Variants in TRIM26 observed in about 807,000 individuals in gnomAD.
TRIM26 encodes the protein tripartite motif-containing protein 26.
In TRIM26, 16 loss-of-function variants were observed where a neutral mutation model predicts 45.5. The observed-to-expected ratio is 0.35, with a 90% CI of 0.24 to 0.53. TRIM26 has a LOEUF of 0.53. Among genes scored for constraint, TRIM26 ranks in the 20% least tolerant of loss-of-function variants. The pLI is 0.92. For synonymous variants in TRIM26, 273 were observed against 290.4 expected (o/e 0.94, Z 0.61); for missense variants, 442 against 691.1 (o/e 0.64, Z 4.04).
chr6:30,205,897 C>T (rs1230959323), intron 1 of TRIM26, among the ~76,000 whole-genome samples: 3 of 152,138 alleles, frequency 2.0e-5, no homozygotes, highest in African/African-American at 7.2e-5. Flanking sequence ...CAAATGTGGA[C>T]TCTGGGGCCC....
chr6:30,213,254 G>A (rs990245301), intron 1 of TRIM26, 51 bp downstream of exon 1: 1 of 152,378 alleles, frequency 6.6e-6, no homozygotes, highest in East Asian at 1.9e-4. Context: ...AACCCGGTGA[G>A]CGTACGAGAC....
Position 30,198,978 on chromosome 6 carries a change from G to A in TRIM26, c.126C>T (p.Asp42=), listed in dbSNP as rs200753056. ...GGCGGCTCCCTGAGATGGGGCGGACGTCTGTGGTGCAGCTGCGGCAGAAGA... is the reference window on the plus strand; with the variant it reads ...GGCGGCTCCCTGAGATGGGGCGGACATCTGTGGTGCAGCTGCGGCAGAAGA... ...GHVFCRSCTT[D]VRPISGSRPV... is the part of the protein sequence containing the mutation. The change falls in exon 4 of 10, where the codon GAC becomes GAT. Residue 42 remains aspartate (D), a synonymous_variant. Coordinates refer to ENST00000454678, the MANE Select transcript of TRIM26 (RefSeq NM_003449.5). The surrounding 1 kb of genome is among the most constrained non-coding windows in gnomAD (Gnocchi z 6.3). The A allele has an allele frequency of 2.7e-5, 43 of 1,612,558 alleles. No individual in the cohort carries two copies. The highest frequency in any genetic ancestry group is 1.6e-4 in the Middle Eastern group (1 of 6,082).
intron 9 of TRIM26, chr6:30,188,377 T>C (rs1004849721): frequency 1.7e-5 from 7 of 418,118 alleles, no homozygotes; most frequent in South Asian, 7.1e-5. Context: ...TGTAAGATGG[T>C]TCAAGAAACC....
rs1778086053 is a variant in TRIM26 at position 30,209,711 on chromosome 6, T to C, written c.-376+3594A>G. 6.6e-6 allele frequency among the ~76,000 whole-genome samples: 1 copy of C among 152,068 alleles called. No homozygotes were observed. Among genetic ancestry groups the C allele is most frequent in the South Asian group, 2.1e-4 (1 of 4,830 alleles). ...TGTTATTCTCCTGCTTCAAATCTCC[T>C]AGCTGAGGCTGGGTTTGGTGCCTCA... On this transcript the variant is annotated intron_variant, in intron 1 of 9. Transcript: ENST00000454678. This position sits in a 1 kb window ranked among gnomAD's most constrained non-coding sequence, Gnocchi z 4.8.
intron 1 of TRIM26, among the ~76,000 whole-genome samples, chr6:30,206,073 G>C (rs1646175277): frequency 6.6e-6 from 1 of 152,202 alleles, no homozygotes; most frequent in Admixed American, 6.5e-5. Context: ...CATTCCCTGT[G>C]GGTACTCCAT....
In TRIM26 at chr6:30,199,083, T is replaced by C. The variant is rs1411976563; in HGVS notation, c.21A>G (p.Leu7=). ...AGGTCACCTCCTCTTCCAGGCTCCG[T>C]AGTGGGGCTGACGTGGCCATGGTAT... MATSAP[L]RSLEEEVTCS... is the part of the protein sequence containing the mutation. Residue 7 remains leucine, a synonymous_variant, in exon 4 of 10, where the codon CTA becomes CTG. Coordinates refer to ENST00000454678, the MANE Select transcript of TRIM26 (RefSeq NM_003449.5). 6.4e-7 allele frequency: 1 copy of C among 1,574,250 alleles called. No individual in the cohort carries two copies. The highest frequency in any genetic ancestry group is 1.3e-5 in the African/African-American group (1 of 74,128).
At chr6:30,210,830 A>G (rs1207090580) in intron 1 of TRIM26, among the ~76,000 whole-genome samples, 1 of 152,224 alleles carries the variant, frequency 6.6e-6, no homozygotes, top group East Asian at 1.9e-4. Context: ...GTGGGAGGGC[A>G]AGAGATTTCA....
chr6:30,193,565 T>A (rs1776171114), intron 6 of TRIM26, among the ~76,000 whole-genome samples: 1 of 152,150 alleles, frequency 6.6e-6, no homozygotes, highest in Non-Finnish European at 1.5e-5. Flanking sequence ...GGGTTTTTTG[T>A]GACTCCATAT....
At chr6:30,188,010 G>T (rs1237087316) in intron 9 of TRIM26, among the ~76,000 whole-genome samples, 2 of 146,592 alleles carry the variant, frequency 1.4e-5, no homozygotes, top group Non-Finnish European at 3.0e-5. Context: ...ACGAGGTCAG[G>T]AGATCGAGAC....
rs147482642 is a variant in TRIM26, at chr6:30,212,723, A to C, written c.-376+582T>G. Among the ~76,000 whole-genome samples the C allele has an allele frequency of 7.1e-3, 1,085 of 152,242 alleles. 42 individuals are homozygous for C. The South Asian group carries it at 0.12, about 17-fold the overall frequency. On this transcript the variant is annotated intron_variant, in intron 1 of 9. Coordinates refer to ENST00000454678, the MANE Select transcript of TRIM26 (RefSeq NM_003449.5). Reference sequence around the variant, plus strand: ...CATTCTCCCCTCTTTTGAAGTACACACAAATCGTGGGTCAAAATTTGAAAT... The same window carrying C: ...CATTCTCCCCTCTTTTGAAGTACACCCAAATCGTGGGTCAAAATTTGAAAT...
At chr6:30,193,130 ACATATATGTGTGTGTGTG>A (rs1562199460) in intron 6 of TRIM26, among the ~76,000 whole-genome samples, 1 of 63,678 alleles carries the variant, frequency 1.6e-5, no homozygotes, top group African/African-American at 7.0e-5. Context: ...ATATATATAT[ACATATATGTGTGTGTGTG>A]TGTGTGTGTG....
intron 1 of TRIM26, among the ~76,000 whole-genome samples, chr6:30,208,789 T>G (rs927903101): frequency 6.6e-6 from 1 of 152,170 alleles, no homozygotes; most frequent in African/African-American, 2.4e-5. Context: ...AAAGTGACTA[T>G]AGTGCTATGT....
chr6:30,191,638 G>A (rs1388056905), intron 6 of TRIM26, among the ~76,000 whole-genome samples: 1 of 152,222 alleles, frequency 6.6e-6, no homozygotes, highest in East Asian at 1.9e-4. Context: ...TTAACAAATT[G>A]TGGCTGCTGA....
At chr6:30,187,375 G>A (rs1775300318) in intron 9 of TRIM26, 1 of 372,116 alleles carries the variant, frequency 2.7e-6, no homozygotes, top group Non-Finnish European at 5.5e-6. Flanking sequence ...AACTCCTGAA[G>A]ACCAACCTGA....
At position 30,184,727 on chromosome 6, in the gene TRIM26, G is replaced by A. The variant is rs111248579; in HGVS notation, c.*1149C>T. Reference sequence around the variant, plus strand: ...GGACTTAAAACTTGGATGAACAGGGGCTGGCAGAGCACTTGGAATGGGTAA... The same window carrying A: ...GGACTTAAAACTTGGATGAACAGGGACTGGCAGAGCACTTGGAATGGGTAA... On this transcript the variant is annotated 3_prime_UTR_variant, in exon 10 of 10. Transcript: ENST00000454678. 175 of 153,202 alleles carry A rather than the reference G, an allele frequency of 1.1e-3. No homozygotes were observed. The highest frequency in any genetic ancestry group is 3.7e-3 in the African/African-American group (153 of 41,564). 9.5% of individuals were successfully genotyped at this position (153,202 alleles called of 1,614,324 possible).
Position 30,199,066 on chromosome 6 carries a change from T to C in TRIM26, c.38A>G (p.Glu13Gly). The stretch of plus-strand genomic sequence containing the variant: ...ATCAAGACAGATGGAGCAGGTCACC[T>C]CCTCTTCCAGGCTCCGTAGTGGGGC... ...TSAPLRSLEE[E>G]VTCSICLDYL... The change falls in exon 4 of 10, where the codon GAG becomes GGG. Residue 13 changes from glutamate to glycine, a missense_variant. Coordinates refer to ENST00000454678, the MANE Select transcript of TRIM26 (RefSeq NM_003449.5). The C allele has an allele frequency of 1.9e-6, 3 of 1,588,910 alleles. No individual in the cohort carries two copies. Among genetic ancestry groups the C allele is most frequent in the Non-Finnish European group, 2.6e-6 (3 of 1,163,756 alleles).
chr6:30,210,514 G>A (rs1778178402), intron 1 of TRIM26, among the ~76,000 whole-genome samples: 1 of 152,094 alleles, frequency 6.6e-6, no homozygotes, highest in Non-Finnish European at 1.5e-5. Context: ...TGCATACACT[G>A]TATTTCTACA....
chr6:30,199,586 C>A (rs1002929182), intron 3 of TRIM26, among the ~76,000 whole-genome samples: 1 of 151,760 alleles, frequency 6.6e-6, no homozygotes, highest in South Asian at 2.1e-4. Context: ...ACAAGACACA[C>A]GAGCAGTCAT....
chr6:30,187,985 C>T (rs1419668208), intron 9 of TRIM26, among the ~76,000 whole-genome samples: 3 of 144,990 alleles, frequency 2.1e-5, no homozygotes, highest in Non-Finnish European at 3.0e-5. Flanking sequence ...TTTGGGAGGC[C>T]GAGGCGGGTG....
Sources: allele counts gnomAD v4.1 joint callset (sites outside exome capture counted in the v4.1 genomes callset), GRCh38; gene constraint gnomAD v4.1.1; non-coding constraint Gnocchi (gnomAD v3.1); transcripts MANE v1.5; gene names NCBI Gene and HGNC (gene_info 2026-07-23, HGNC 2026-07-21).